Variants in NCKAP5 observed in about 807,000 individuals in gnomAD.
The protein encoded by NCKAP5 is NCK associated protein 5, also known as nck-associated protein 5.
A neutral mutation model predicts 167.0 loss-of-function variants in NCKAP5; 92 were observed. The observed-to-expected ratio is 0.55, with a 90% CI of 0.47 to 0.66. The LOEUF is 0.66. NCKAP5 is among the 30% of genes least tolerant of loss of function. The pLI is 0.00. For missense variants in NCKAP5, 2,378 were observed against 2,315.0 expected (o/e 1.03, Z -0.56); for synonymous variants, 891 against 877.4 (o/e 1.02, Z -0.27).
intron 4 of NCKAP5, among the ~76,000 whole-genome samples, chr2:133,302,803 ATAAAT>A (rs1198273068): frequency 6.6e-6 from 1 of 150,816 alleles, no homozygotes; most frequent in Admixed American, 6.6e-5. Context: ...AATAAAAAAA[ATAAAT>A]AAATAAATAA....
chr2:133,275,640 C>T (rs1008182090), intron 4 of NCKAP5, among the ~76,000 whole-genome samples: 1 of 151,982 alleles, frequency 6.6e-6, no homozygotes, highest in Non-Finnish European at 1.5e-5. Context: ...GATGCATTTA[C>T]AGCAGTGGTT....
At chr2:133,672,613 A>G in the NCKAP5 span, among the ~76,000 whole-genome samples, 1 of 152,208 alleles carries the variant, frequency 6.6e-6, no homozygotes, top group African/African-American at 2.4e-5. Context: ...TAAATGTTTT[A>G]GGCTTTTCAG....
intron 12 of NCKAP5, 32 bp downstream of exon 12, chr2:132,796,596 A>T: frequency 6.8e-7 from 1 of 1,481,476 alleles, no homozygotes; most frequent in Non-Finnish European, 9.4e-7. Context: ...AACCACCAAA[A>T]CAAGTGTTCT....
the NCKAP5 span, among the ~76,000 whole-genome samples, chr2:133,620,664 A>G: frequency 6.6e-6 from 1 of 152,128 alleles, no homozygotes; most frequent in Non-Finnish European, 1.5e-5. Flanking sequence ...CAGCAATACA[A>G]TGATAGCGGG....
intron 6 of NCKAP5, among the ~76,000 whole-genome samples, chr2:133,032,369 C>T (rs2078907210): frequency 6.6e-6 from 1 of 152,058 alleles, no homozygotes; most frequent in South Asian, 2.1e-4. Flanking sequence ...GGGTGAGGCT[C>T]CTATGGATTT....
chr2:133,623,800 C>T, the NCKAP5 span, among the ~76,000 whole-genome samples: 1 of 151,938 alleles, frequency 6.6e-6, no homozygotes, highest in African/African-American at 2.4e-5. Flanking sequence ...AGGTATCTAC[C>T]CAGAGGAAAG....
intron 3 of NCKAP5, among the ~76,000 whole-genome samples, chr2:133,415,176 T>C (rs116087438): frequency 4.1e-4 from 63 of 152,376 alleles, no homozygotes; most frequent in African/African-American, 1.4e-3. Flanking sequence ...CTTATTCATG[T>C]TGCCATTTGT....
At chr2:132,939,211 A>G (rs894940733) in intron 8 of NCKAP5, among the ~76,000 whole-genome samples, 1 of 152,226 alleles carries the variant, frequency 6.6e-6, no homozygotes, top group Non-Finnish European at 1.5e-5. Flanking sequence ...TATTAAAACT[A>G]AACACATCTT....
At chr2:132,735,141 G>T (rs1209613259) in intron 16 of NCKAP5, among the ~76,000 whole-genome samples, 1 of 152,116 alleles carries the variant, frequency 6.6e-6, no homozygotes, top group Non-Finnish European at 1.5e-5. Context: ...TCTTCCTTCT[G>T]CCCTCTTGGA....
chr2:133,109,443 C>T (rs10165338), intron 6 of NCKAP5, among the ~76,000 whole-genome samples: 26,304 of 152,004 alleles, frequency 0.17, 2,706 homozygotes, highest in East Asian at 0.51. Context: ...ATTATATTTC[C>T]CATGTGGCTT....
chr2:132,893,259 T>C (rs1463994062), intron 8 of NCKAP5, among the ~76,000 whole-genome samples: 1 of 152,196 alleles, frequency 6.6e-6, no homozygotes, highest in Admixed American at 6.5e-5. Context: ...AACTTGCTGA[T>C]AGAGAAGATG....
chr2:133,481,378 G>C (rs1354687829), intron 3 of NCKAP5, among the ~76,000 whole-genome samples: 1 of 152,178 alleles, frequency 6.6e-6, no homozygotes, highest in South Asian at 2.1e-4. Context: ...ATTTTTACAT[G>C]TATTTAATGT....
At chr2:132,726,278 T>C (rs1219586719) in intron 18 of NCKAP5, among the ~76,000 whole-genome samples, 1 of 152,232 alleles carries the variant, frequency 6.6e-6, no homozygotes, top group African/African-American at 2.4e-5. Context: ...TTTAGAAAAG[T>C]AAGCAATTGC....
intron 3 of NCKAP5, among the ~76,000 whole-genome samples, chr2:133,513,407 T>C (rs528297593): frequency 1.4e-4 from 22 of 152,286 alleles, no homozygotes; most frequent in Admixed American, 4.6e-4. Context: ...AAGTAGGACC[T>C]CTTTCTCCCA....
chr2:132,694,847 T>C (rs1687152352), intron 19 of NCKAP5, among the ~76,000 whole-genome samples: 1 of 152,218 alleles, frequency 6.6e-6, no homozygotes, highest in Non-Finnish European at 1.5e-5. Flanking sequence ...AAGGCCGAGC[T>C]TAGTCGCCAC....
At chr2:133,051,786 A>C (rs1346752454) in intron 6 of NCKAP5, among the ~76,000 whole-genome samples, 1 of 152,262 alleles carries the variant, frequency 6.6e-6, no homozygotes, top group Non-Finnish European at 1.5e-5. Context: ...AAAATGTTTA[A>C]GCATGGGTTC....
intron 4 of NCKAP5, among the ~76,000 whole-genome samples, chr2:133,264,633 G>T (rs991411265): frequency 6.6e-6 from 1 of 152,168 alleles, no homozygotes; most frequent in Non-Finnish European, 1.5e-5. Context: ...AAGAAGCTAA[G>T]TACGACAATT....
chr2:133,378,768 T>G (rs76894808), intron 3 of NCKAP5, among the ~76,000 whole-genome samples: 2,162 of 152,326 alleles, frequency 0.014, 51 homozygotes, highest in African/African-American at 0.049. Flanking sequence ...GCTGCTTAAC[T>G]GTTGTCTGAA....
chr2:132,796,256 G>A (rs1684596410), intron 12 of NCKAP5, among the ~76,000 whole-genome samples: 1 of 152,104 alleles, frequency 6.6e-6, no homozygotes. Flanking sequence ...GAAAAAAAAT[G>A]CAGAGCCCAT....
Sources: gnomAD v4.1 joint callset for allele counts (sites outside exome capture counted in the v4.1 genomes callset) on GRCh38, gnomAD v4.1.1 for gene constraint, MANE v1.5 for transcripts, NCBI Gene and HGNC (gene_info 2026-07-23, HGNC 2026-07-21) for gene names.